The following ROCK2 variants were observed in gnomAD, a reference collection of about 807,000 sequenced individuals.
ROCK2 encodes the protein rho-associated protein kinase 2.
ROCK2 carries 61 observed loss-of-function variants against 195.1 expected under a neutral mutation model. The observed-to-expected ratio is 0.31, with a 90% CI of 0.25 to 0.39. ROCK2 has a LOEUF of 0.39. Among genes scored for constraint, ROCK2 ranks in the 10% least tolerant of loss-of-function variants. The probability of loss-of-function intolerance (pLI) is 1.00; values close to 1 mark genes in which losing one functional copy is unlikely to be tolerated. For missense variants in ROCK2, 1,109 were observed against 1,637.4 expected, an observed-to-expected ratio of 0.68 and a Z score of 5.57; for synonymous variants, 504 against 545.5, an observed-to-expected ratio of 0.92 and a Z score of 1.06.
intron 1 of ROCK2, among the ~76,000 whole-genome samples, chr2:11,317,870 G>GT (rs919699956): frequency 4.0e-4 from 61 of 151,296 alleles, no homozygotes; most frequent in East Asian, 2.0e-4. Context: ...GCGGTGTTTG[G>GT]TTTTTTGTCC....
intron 1 of ROCK2, among the ~76,000 whole-genome samples, chr2:11,305,905 A>G (rs1356085193): frequency 6.6e-6 from 1 of 152,246 alleles, no homozygotes; most frequent in Non-Finnish European, 1.5e-5. Flanking sequence ...AAAGAAGTGT[A>G]CAAGGACTGA....
At chr2:11,344,809 C>G (rs1669245400), upstream of ROCK2, among the ~76,000 whole-genome samples, 2 of 150,706 alleles carry the variant, frequency 1.3e-5, no homozygotes, top group South Asian at 4.1e-4. The surrounding 1 kb of genome is among the most constrained non-coding windows in gnomAD (Gnocchi z 5.4). Flanking sequence ...CCCTTCCTCG[C>G]CCGCCCTCGC....
At chr2:11,239,868 A>C (rs1210192520) in intron 4 of ROCK2, among the ~76,000 whole-genome samples, 1 of 152,184 alleles carries the variant, frequency 6.6e-6, no homozygotes, top group Non-Finnish European at 1.5e-5. Context: ...GGGTTCCCAC[A>C]ACCTCCTCAG....
At chr2:11,257,198 C>G (rs1017721930) in intron 3 of ROCK2, among the ~76,000 whole-genome samples, 1 of 151,434 alleles carries the variant, frequency 6.6e-6, no homozygotes, top group Admixed American at 6.6e-5. Context: ...CGCTGGGCAG[C>G]GAGAGCCTCA....
In ROCK2 at chr2:11,182,568, C is replaced by T. The variant is rs1020393664; in HGVS notation, c.*869G>A. 2.0e-5 allele frequency: 3 copies of T among 152,328 alleles called. No individual in the cohort carries two copies. The highest frequency in any genetic ancestry group is 4.4e-5 in the Non-Finnish European group (3 of 68,026). The allele number at this position is 152,328 out of a possible 1,614,324, so 9.4% of individuals were successfully genotyped here. ...TCAAAATAGGCTGACATTGATATAA[C>T]TATTTATGTGTAAAAATAGTGCACG... is the stretch of plus-strand genomic sequence containing the variant. On this transcript the variant is annotated 3_prime_UTR_variant, in exon 33 of 33. Transcript: ENST00000315872.
intron 5 of ROCK2, among the ~76,000 whole-genome samples, 168 bp from the exon 6 acceptor site, chr2:11,227,566 T>C (rs192941683): frequency 7.3e-4 from 111 of 152,244 alleles, no homozygotes; most frequent in Non-Finnish European, 1.2e-3. Flanking sequence ...CACTGGAAAA[T>C]GCATTAAAAT....
At chr2:11,335,305 A>T (rs1668896499) in intron 1 of ROCK2, among the ~76,000 whole-genome samples, 1 of 152,180 alleles carries the variant, frequency 6.6e-6, no homozygotes, top group South Asian at 2.1e-4. Flanking sequence ...AAAGGGGGGC[A>T]GGAGTACAGA....
At chr2:11,190,366 TA>T (rs34098406) in intron 32 of ROCK2, among the ~76,000 whole-genome samples, 2,447 of 53,088 alleles carry the variant, frequency 0.046, 43 homozygotes, top group East Asian at 0.13. Flanking sequence ...AGAAGTTTTT[TA>T]AAAAAAAAAA....
chr2:11,280,769 G>C (rs962492868), intron 3 of ROCK2, among the ~76,000 whole-genome samples: 1 of 151,756 alleles, frequency 6.6e-6, no homozygotes, highest in Non-Finnish European at 1.5e-5. Flanking sequence ...TAAATCAATA[G>C]TTATTAACCT....
chr2:11,340,654 CACAT>C (rs1445425475), intron 1 of ROCK2, among the ~76,000 whole-genome samples: 1 of 152,018 alleles, frequency 6.6e-6, no homozygotes, highest in African/African-American at 2.4e-5. Flanking sequence ...GGGAAAAATA[CACAT>C]ACAATTTTAT....
Position 11,214,482 on chromosome 2 carries a change from T to C in ROCK2, c.1937-19A>G, listed in dbSNP as rs1203001481. On this transcript the variant is annotated intron_variant, in intron 16 of 32. Transcript: ENST00000315872. ...ATTCTACCTAAAAATTGCAACGTTT[T>C]TTTAAAACATTAAACCCACAAAGTA... 7.2e-7 allele frequency: 1 copy of C among 1,384,972 alleles called. No homozygotes were observed. Among genetic ancestry groups the C allele is most frequent in the Non-Finnish European group, 1.0e-6 (1 of 982,642 alleles). 85.8% of individuals were successfully genotyped at this position (1,384,972 alleles called of 1,614,324 possible). A position where few individuals can be genotyped will look rare whatever the true frequency, so the allele number is the denominator to read the frequency against.
intron 9 of ROCK2, among the ~76,000 whole-genome samples, 176 bp from the exon 10 acceptor site, chr2:11,219,202 AATTTAAAATGCTAGGGCCAGGCGT>A (rs1664537902): frequency 6.6e-6 from 1 of 152,028 alleles, no homozygotes; most frequent in African/African-American, 2.4e-5. Context: ...CATTTTCAAT[AATTTAAAATGCTAGGGCCAGGCGT>A]GGTGGTTCAC....
In ROCK2 at chr2:11,209,750, C is replaced by T. The variant is rs571267178; in HGVS notation, c.2204-1303G>A. 2.3e-3 allele frequency among the ~76,000 whole-genome samples: 349 copies of T among 152,288 alleles called. 1 individual carries two copies. Among genetic ancestry groups the T allele is most frequent in the Non-Finnish European group, 4.4e-3 (296 of 68,018 alleles). Reference sequence around the variant, plus strand: ...CTGCTTTTTCATAATTAATGCTCAACATCTAATTATCATCTATTATAAAGT... The same window carrying T: ...CTGCTTTTTCATAATTAATGCTCAATATCTAATTATCATCTATTATAAAGT... On this transcript the variant is annotated intron_variant, in intron 18 of 32. Transcript: ENST00000315872.
Position 11,215,590 on chromosome 2 carries a change from G to A in ROCK2, c.1517C>T (p.Ala506Val). 2.5e-6 allele frequency: 4 copies of A among 1,613,160 alleles called. No individual in the cohort carries two copies. Among genetic ancestry groups the A allele is most frequent in the South Asian group, 2.2e-5 (2 of 91,030 alleles). ...SALRQLEREK[A>V]LLQHKNAEYQ... Reference sequence around the variant, plus strand: ...TTCTGCATTTTTGTGCTGAAGAAGCGCCTTTTCTCTTTCTAACTGTCTTAA... The same window carrying A: ...TTCTGCATTTTTGTGCTGAAGAAGCACCTTTTCTCTTTCTAACTGTCTTAA... Residue 506 changes from alanine (A) to valine (V), a missense_variant, in exon 14 of 33, where the codon GCG becomes GTG. By Grantham distance (64) the Ala-to-Val change is moderately conservative. This residue lies in a region of ROCK2 where 542 missense variants were observed against 672.0 expected (regional missense o/e 0.81). Transcript: ENST00000315872.
chr2:11,337,835 G>C (rs1327283331), intron 1 of ROCK2, among the ~76,000 whole-genome samples: 1 of 151,646 alleles, frequency 6.6e-6, no homozygotes, highest in Non-Finnish European at 1.5e-5. Flanking sequence ...TAGAGATGGG[G>C]TTTCACCATG....
rs114674903 is a variant in ROCK2, at chr2:11,248,157, T to C, written c.462+1504A>G. Reference sequence around the variant, plus strand: ...AGGGAGCAGGAATGAGGATCAATCTTATAAAAAAGCAACATTAATGAGCTT... The same window carrying C: ...AGGGAGCAGGAATGAGGATCAATCTCATAAAAAAGCAACATTAATGAGCTT... On this transcript the variant is annotated intron_variant, in intron 4 of 32. Transcript: ENST00000315872. Among the ~76,000 whole-genome samples the C allele has an allele frequency of 3.4e-3, 490 of 142,132 alleles. 2 individuals are homozygous for C. Among genetic ancestry groups the C allele is most frequent in the African/African-American group, 0.011 (438 of 38,958 alleles). 93.2% of individuals were successfully genotyped at this position (142,132 alleles called of 152,430 possible). A position where few individuals can be genotyped will look rare whatever the true frequency, so the allele number is the denominator to read the frequency against.
chr2:11,282,150 A>G (rs1203535499), intron 3 of ROCK2, among the ~76,000 whole-genome samples: 3 of 152,158 alleles, frequency 2.0e-5, no homozygotes, highest in African/African-American at 4.8e-5. Flanking sequence ...CAGGAATTTG[A>G]GACCAGCCTG....
intron 1 of ROCK2, among the ~76,000 whole-genome samples, chr2:11,340,166 G>A (rs887085136): frequency 2.0e-5 from 3 of 152,180 alleles, no homozygotes; most frequent in Non-Finnish European, 1.5e-5. Context: ...TTGGATTTTA[G>A]AAAGGTACAC....
intron 3 of ROCK2, among the ~76,000 whole-genome samples, chr2:11,275,794 G>T (rs1450206928): frequency 6.7e-6 from 1 of 149,926 alleles, no homozygotes; most frequent in East Asian, 2.0e-4. Flanking sequence ...CCACCTCCCG[G>T]ATTCAACAGA....
Sources: allele counts gnomAD v4.1 joint callset (sites outside exome capture counted in the v4.1 genomes callset), GRCh38; gene constraint gnomAD v4.1.1; regional missense constraint gnomAD v4.1.1; non-coding constraint Gnocchi (gnomAD v3.1); transcripts MANE v1.5; gene names NCBI Gene and HGNC (gene_info 2026-07-23, HGNC 2026-07-21).